The following AGXT2 variants were observed in gnomAD, a reference collection of about 807,000 sequenced individuals.
AGXT2 encodes the protein alanine--glyoxylate aminotransferase 2, mitochondrial.
AGXT2 carries 61 observed loss-of-function variants against 62.5 expected under a neutral mutation model. That is an observed-to-expected ratio of 0.98 (90% CI 0.79 to 1.21). AGXT2 has a LOEUF of 1.21. AGXT2 is among the 50% of genes most tolerant of loss of function. The pLI is 0.00. For synonymous variants in AGXT2, 243 were observed against 218.7 expected (o/e 1.11, Z -0.98); for missense variants, 666 against 641.5 (o/e 1.04, Z -0.41).
chr5:35,020,927 T>C (rs1242966506), intron 9 of AGXT2, among the ~76,000 whole-genome samples: 1 of 151,904 alleles, frequency 6.6e-6, no homozygotes, highest in Non-Finnish European at 1.5e-5. Flanking sequence ...TATACACCAA[T>C]AACAGACAAA....
Position 34,998,583 on chromosome 5 carries a change from A to G in AGXT2, c.*136T>C. 1 of 714,566 alleles carries G rather than the reference A, an allele frequency of 1.4e-6. No homozygotes were observed. The highest frequency in any genetic ancestry group is 2.4e-6 in the Non-Finnish European group (1 of 409,800). The allele number at this position is 714,566 out of a possible 1,614,324, so 44.3% of individuals were successfully genotyped here. A position where few individuals can be genotyped will look rare whatever the true frequency, so the allele number is the denominator to read the frequency against. On this transcript the variant is annotated 3_prime_UTR_variant, in exon 14 of 14. Transcript: ENST00000231420. The stretch of plus-strand genomic sequence containing the variant: ...TAACAAATATGGTTGGTAGGCAGTC[A>G]ACCATGACTTTTACAGCTCCTGTGG...
In AGXT2 at chr5:35,047,817, G is replaced by A; in HGVS notation, c.76C>T (p.Pro26Ser). ...TSAPRILEMH[P>S]FLSLGTSRTS... ...GGTTTCCACTTACGGCTCAGGAAAG[G>A]ATGCATCTCAAGGATCCTGGGAGCG... Residue 26 changes from proline to serine, a missense_variant, in exon 1 of 14, where the codon CCT becomes TCT. Physicochemically the swap from Pro to Ser is moderately conservative, Grantham distance 74. Transcript: ENST00000231420. The A allele has an allele frequency of 6.2e-7, 1 of 1,614,046 alleles. No individual in the cohort carries two copies. Among genetic ancestry groups the A allele is most frequent in the Non-Finnish European group, 8.5e-7 (1 of 1,180,000 alleles).
intron 3 of AGXT2, among the ~76,000 whole-genome samples, chr5:35,037,921 G>C (rs1348128029): frequency 1.3e-5 from 2 of 152,186 alleles, no homozygotes; most frequent in South Asian, 2.1e-4. Flanking sequence ...CACAAACCAA[G>C]TTGTCTGAAC....
At chr5:35,030,394 G>A (rs1402395109) in intron 7 of AGXT2, among the ~76,000 whole-genome samples, 2 of 152,140 alleles carry the variant, frequency 1.3e-5, no homozygotes, top group Non-Finnish European at 2.9e-5. Context: ...TGTAATCCCC[G>A]CTACTCGGGA....
At chr5:35,045,236 A>G (rs1016090505) in intron 1 of AGXT2, among the ~76,000 whole-genome samples, 1 of 152,218 alleles carries the variant, frequency 6.6e-6, no homozygotes, top group African/African-American at 2.4e-5. Flanking sequence ...ATTGTACAGT[A>G]ACTATGTAGA....
Position 35,031,886 on chromosome 5 carries a change from G to GTT in AGXT2, c.769+844_769+845dup, listed in dbSNP as rs34618446. 2.2e-3 allele frequency among the ~76,000 whole-genome samples: 268 copies of GTT among 119,378 alleles called. 2 individuals carry two copies. Among genetic ancestry groups the GTT allele is most frequent in the South Asian group, 6.7e-3 (24 of 3,584 alleles). 78.3% of individuals were successfully genotyped at this position (119,378 alleles called of 152,430 possible). ...ATAATCCCACCCATCTTGATTTCTTGTTTTTTTTTTTTTTTTGGTTGTTGT... is the reference window on the plus strand; with the variant it reads ...ATAATCCCACCCATCTTGATTTCTTGTTTTTTTTTTTTTTTTTTGGTTGTTGT... On this transcript the variant is annotated intron_variant, in intron 7 of 13. Coordinates refer to ENST00000231420, the MANE Select transcript of AGXT2 (RefSeq NM_031900.4).
At chr5:35,014,617 C>A (rs561571568) in intron 9 of AGXT2, among the ~76,000 whole-genome samples, 1 of 152,106 alleles carries the variant, frequency 6.6e-6, no homozygotes, top group Non-Finnish European at 1.5e-5. Flanking sequence ...CATCAAGAGT[C>A]ATTTCCTAGC....
rs780450871 is a variant in AGXT2 at position 35,036,958 on chromosome 5, A to G, written c.470T>C (p.Leu157Pro). Residue 157 changes from leucine to proline, a missense_variant, in exon 4 of 14, where the codon CTT becomes CCT. Leu to Pro is a moderately conservative substitution (Grantham distance 98). Coordinates refer to ENST00000231420, the MANE Select transcript of AGXT2 (RefSeq NM_031900.4). The stretch of plus-strand genomic sequence containing the variant: ...GCATTGTACCTTAAGAGGCTCAGGA[A>G]GAAGTGCGGCAAGCTTCTCTGCATA... ...HEYAEKLAAL[L>P]PEPLKVIFLV... is the part of the protein sequence containing the mutation. 3 of 1,614,052 alleles carry G rather than the reference A, an allele frequency of 1.9e-6. No homozygotes were observed. Among genetic ancestry groups the G allele is most frequent in the African/African-American group, 2.7e-5 (2 of 74,938 alleles).
intron 12 of AGXT2, among the ~76,000 whole-genome samples, chr5:35,007,135 C>T (rs1035807754): frequency 1.3e-5 from 2 of 152,090 alleles, no homozygotes; most frequent in Non-Finnish European, 2.9e-5. Context: ...GATCAGTACC[C>T]TCATAAAAGA....
intron 4 of AGXT2, among the ~76,000 whole-genome samples, chr5:35,036,195 C>T (rs574984255): frequency 7.2e-5 from 11 of 152,196 alleles, no homozygotes; most frequent in Non-Finnish European, 1.3e-4. Flanking sequence ...GTGTTCATGA[C>T]TCTGCTGACT....
At chr5:35,020,268 C>T (rs1488105614) in intron 9 of AGXT2, among the ~76,000 whole-genome samples, 1 of 151,892 alleles carries the variant, frequency 6.6e-6, no homozygotes, top group Non-Finnish European at 1.5e-5. Flanking sequence ...GAGACACAAC[C>T]AAAAAAGAGA....
At chr5:35,016,981 T>C (rs886639423) in intron 9 of AGXT2, among the ~76,000 whole-genome samples, 1 of 152,130 alleles carries the variant, frequency 6.6e-6, no homozygotes, top group Non-Finnish European at 1.5e-5. Context: ...AAATTCAAAA[T>C]CAGTCTATGC....
At chr5:35,026,842 C>T (rs1008025858) in intron 7 of AGXT2, 12 of 985,040 alleles carry the variant, frequency 1.2e-5, no homozygotes, top group Admixed American at 6.2e-5. Context: ...GGATGCCCGT[C>T]CTCTCAAACA....
At position 35,039,434 on chromosome 5, in the gene AGXT2, T is replaced by A; in HGVS notation, c.252A>T (p.Lys84Asn). The A allele has an allele frequency of 6.2e-7, 1 of 1,614,024 alleles. No homozygotes were observed. Among genetic ancestry groups the A allele is most frequent in the Non-Finnish European group, 8.5e-7 (1 of 1,179,958 alleles). Reference protein sequence around the residue: ...LSPVVTAYFQKPLLLHQGHME... With the variant: ...LSPVVTAYFQNPLLLHQGHME... ...TGTGCCCCTGGTGGAGCAGCAGGGG[T>A]TTCTGGAAATATGCCGTCACCACAG... is the stretch of plus-strand genomic sequence containing the variant. Residue 84 changes from lysine to asparagine, a missense_variant, in exon 3 of 14, where the codon AAA becomes AAT. Transcript: ENST00000231420.
chr5:35,033,143 A>G (rs1239407649), intron 6 of AGXT2: 2 of 482,108 alleles, frequency 4.1e-6, no homozygotes, highest in Non-Finnish European at 7.6e-6. Flanking sequence ...TGGGTACAGT[A>G]AGTGGGAACA....
intron 2 of AGXT2, among the ~76,000 whole-genome samples, chr5:35,040,094 A>AAGAAG: frequency 1.3e-5 from 2 of 152,294 alleles, no homozygotes; most frequent in South Asian, 4.2e-4. Context: ...GGAGAAAGAA[A>AAGAAG]GAGAGAGAAA....
At chr5:35,022,724 A>C (rs934291262) in intron 9 of AGXT2, among the ~76,000 whole-genome samples, 86 of 142,582 alleles carry the variant, frequency 6.0e-4, no homozygotes, top group African/African-American at 2.3e-3. Context: ...AAAGTATAAT[A>C]ATAATAAATA....
At position 35,013,049 on chromosome 5, in the gene AGXT2, G is replaced by C. The variant is rs1375116191; in HGVS notation, c.1097-4C>G. 3.3e-5 allele frequency: 51 copies of C among 1,551,392 alleles called. No individual in the cohort carries two copies. Among genetic ancestry groups the C allele is most frequent in the Non-Finnish European group, 4.4e-5 (50 of 1,146,824 alleles). ...TTCGCCAAAGATTTGGCAATCTCTA[G>C]AGGGAGAAAATAGAAGGTGTGGAAA... On this transcript the variant is annotated splice_polypyrimidine_tract_variant and splice_region_variant and intron_variant, in intron 10 of 13. Transcript: ENST00000231420.
intron 9 of AGXT2, among the ~76,000 whole-genome samples, chr5:35,021,031 T>C (rs1263392843): frequency 3.3e-5 from 5 of 152,144 alleles, no homozygotes; most frequent in Non-Finnish European, 5.9e-5. Flanking sequence ...GTGAAGGACC[T>C]CTTCAAGGAG....
Sources: gnomAD v4.1 joint callset for allele counts (sites outside exome capture counted in the v4.1 genomes callset) on GRCh38, gnomAD v4.1.1 for gene constraint, MANE v1.5 for transcripts, NCBI Gene and HGNC (gene_info 2026-07-23, HGNC 2026-07-21) for gene names.